Variants in ASAP1 observed in about 807,000 individuals in gnomAD.
The protein encoded by ASAP1 is ArfGAP with SH3 domain, ankyrin repeat and PH domain 1.
ASAP1 carries 43 observed loss-of-function variants against 145.2 expected under a neutral mutation model. The ratio of observed to expected loss-of-function variants is 0.30; its 90% confidence interval spans 0.23 to 0.38. The LOEUF (loss-of-function observed/expected upper bound fraction) is 0.38, where lower values mean the gene tolerates loss of function less well. Ranked by LOEUF, ASAP1 falls within the 10% of genes least tolerant of loss-of-function variation. ASAP1 has a pLI of 1.00. For missense variants in ASAP1, 1,018 were observed against 1,355.3 expected, an observed-to-expected ratio of 0.75 and a Z score of 3.91; for synonymous variants, 546 against 515.5, an observed-to-expected ratio of 1.06 and a Z score of -0.80.
chr8:130,111,896 C>T (rs1008884584), intron 24 of ASAP1, among the ~76,000 whole-genome samples, 198 bp downstream of exon 24: 1 of 152,176 alleles, frequency 6.6e-6, no homozygotes, highest in African/African-American at 2.4e-5. Context: ...ACAAAGAGAG[C>T]CCACAGCACT....
intron 9 of ASAP1, chr8:130,179,053 A>G (rs80117223): frequency 0.1 from 45,036 of 432,410 alleles, 3,086 homozygotes; most frequent in South Asian, 0.24. Context: ...TGTAAGGAAG[A>G]CAATATTTTT....
intron 2 of ASAP1, among the ~76,000 whole-genome samples, chr8:130,379,320 G>C (rs939991140): frequency 5.3e-5 from 8 of 152,158 alleles, no homozygotes; most frequent in Admixed American, 3.9e-4. Flanking sequence ...ACCAGTAATA[G>C]TAAGTATTTT....
At chr8:130,145,184 C>T (rs566944596) in intron 13 of ASAP1, among the ~76,000 whole-genome samples, 30 of 152,170 alleles carry the variant, frequency 2.0e-4, no homozygotes, top group Non-Finnish European at 3.7e-4. Flanking sequence ...TTTTTAAATT[C>T]ACATTTCCTA....
intron 23 of ASAP1, 67 bp downstream of exon 23, chr8:130,115,560 AT>A: frequency 8.3e-7 from 1 of 1,206,022 alleles, no homozygotes; most frequent in Non-Finnish European, 1.2e-6. Context: ...CCAAAAATGG[AT>A]CTTGTCTACA....
chr8:130,175,495 G>C (rs1458081133), intron 9 of ASAP1, among the ~76,000 whole-genome samples: 11 of 151,958 alleles, frequency 7.2e-5, no homozygotes, highest in Non-Finnish European at 1.6e-4. Flanking sequence ...TAAAGTGCTA[G>C]GATTATAGGT....
chr8:130,264,406 C>T (rs1411854508), intron 3 of ASAP1, among the ~76,000 whole-genome samples: 1 of 152,210 alleles, frequency 6.6e-6, no homozygotes, highest in Non-Finnish European at 1.5e-5. Context: ...TCAGCAAAGG[C>T]AGTCGTGCGT....
chr8:130,379,003 G>A (rs1218903637), intron 2 of ASAP1, among the ~76,000 whole-genome samples: 2 of 152,180 alleles, frequency 1.3e-5, no homozygotes, highest in African/African-American at 4.8e-5. Flanking sequence ...AGCCTCCTGA[G>A]TGGTAAGAGT....
intron 3 of ASAP1, among the ~76,000 whole-genome samples, chr8:130,275,681 A>G (rs1453531365): frequency 6.6e-6 from 1 of 152,202 alleles, no homozygotes; most frequent in Non-Finnish European, 1.5e-5. Flanking sequence ...GAGAAACGTA[A>G]GCATTTTGAT....
chr8:130,251,706 C>T (rs1013671037), intron 3 of ASAP1, among the ~76,000 whole-genome samples: 2 of 152,112 alleles, frequency 1.3e-5, no homozygotes, highest in African/African-American at 4.8e-5. Flanking sequence ...TATGTTGCTG[C>T]TATAAAGACC....
In ASAP1 at chr8:130,274,610, T is replaced by C. The variant is rs142507659; in HGVS notation, c.187-37616A>G. Among the ~76,000 whole-genome samples the C allele has an allele frequency of 2.6e-5, 4 of 152,348 alleles. No individual in the cohort carries two copies. The East Asian group carries it at 5.8e-4, about 22-fold the overall frequency. Reference sequence around the variant, plus strand: ...TCTCTTCTCACTATCGCATTCATTGTTGAGGATGTATCTTTGAGAATTAAT... The same window carrying C: ...TCTCTTCTCACTATCGCATTCATTGCTGAGGATGTATCTTTGAGAATTAAT... On this transcript the variant is annotated intron_variant, in intron 3 of 29. Coordinates refer to ENST00000518721, the MANE Select transcript of ASAP1 (RefSeq NM_018482.4).
intron 1 of ASAP1, among the ~76,000 whole-genome samples, chr8:130,414,412 A>T (rs1829391676): frequency 6.6e-6 from 1 of 152,238 alleles, no homozygotes; most frequent in Non-Finnish European, 1.5e-5. Flanking sequence ...AGAAGGAAAA[A>T]GCCAGGGTTT....
chr8:130,135,945 G>A (rs1392142480), intron 14 of ASAP1, among the ~76,000 whole-genome samples: 1 of 152,134 alleles, frequency 6.6e-6, no homozygotes, highest in African/African-American at 2.4e-5. Context: ...TCTATCTTTT[G>A]GGTCAGGACT....
intron 11 of ASAP1, among the ~76,000 whole-genome samples, chr8:130,165,098 T>A (rs914665345): frequency 1.3e-5 from 2 of 152,230 alleles, no homozygotes; most frequent in African/African-American, 4.8e-5. Flanking sequence ...CATTTATTAA[T>A]CTGGGGTGGG....
Position 130,127,931 on chromosome 8 carries a change from T to A in ASAP1, c.1377A>T (p.Ser459=), listed in dbSNP as rs373547373. 5.0e-6 allele frequency: 8 copies of A among 1,611,458 alleles called. No homozygotes were observed. The highest frequency in any genetic ancestry group is 1.3e-5 in the African/African-American group (1 of 74,672). ...PGNDICCDCG[S]SEPTWLSTNL... is the part of the protein sequence containing the mutation. ...TTCAAATATGGGGACAAAAACCTGA[T>A]GAGCCACAATCGCAGCAAATGTCAT... Residue 459 remains serine, a synonymous_variant, in exon 16 of 30, where the codon TCA becomes TCT. Coordinates refer to ENST00000518721, the MANE Select transcript of ASAP1 (RefSeq NM_018482.4).
rs141506288 is a variant in ASAP1, at chr8:130,270,019, A to C, written c.187-33025T>G. 1.1e-3 allele frequency among the ~76,000 whole-genome samples: 161 copies of C among 152,254 alleles called. 1 individual carries two copies. The highest frequency in any genetic ancestry group is 3.7e-3 in the African/African-American group (153 of 41,542). ...ACCTCATCTCTACTAAAAATAGAAA[A>C]ATTAGCCAGGCGTGGTGGCCCACAC... On this transcript the variant is annotated intron_variant, in intron 3 of 29. Transcript: ENST00000518721.
At position 130,092,147 on chromosome 8, in the gene ASAP1, G is replaced by C. The variant is rs1393279219; in HGVS notation, c.2402-4C>G. The C allele has an allele frequency of 1.3e-6, 2 of 1,564,832 alleles. No individual in the cohort carries two copies. Among genetic ancestry groups the C allele is most frequent in the South Asian group, 2.4e-5 (2 of 84,162 alleles). ...GTTGAAGGTGGGCCAGTTGGACCTAGAAAGGAAATTGAATGGGGGCAGGAA... is the reference window on the plus strand; with the variant it reads ...GTTGAAGGTGGGCCAGTTGGACCTACAAAGGAAATTGAATGGGGGCAGGAA... On this transcript the variant is annotated splice_polypyrimidine_tract_variant and splice_region_variant and intron_variant, in intron 24 of 29. Coordinates refer to ENST00000518721, the MANE Select transcript of ASAP1 (RefSeq NM_018482.4).
chr8:130,172,537 T>C (rs778237896), intron 9 of ASAP1, among the ~76,000 whole-genome samples: 2 of 152,194 alleles, frequency 1.3e-5, no homozygotes, highest in Non-Finnish European at 2.9e-5. Context: ...TCCAATATGG[T>C]AGCCACTAGT....
At chr8:130,414,033 T>G (rs1829373814) in intron 1 of ASAP1, among the ~76,000 whole-genome samples, 1 of 152,150 alleles carries the variant, frequency 6.6e-6, no homozygotes, top group African/African-American at 2.4e-5. Context: ...GAACAGAAGT[T>G]GCTATAAAGT....
At chr8:130,063,366 C>A (rs151078831) in intron 27 of ASAP1, among the ~76,000 whole-genome samples, 3 of 152,104 alleles carry the variant, frequency 2.0e-5, no homozygotes, top group African/African-American at 7.2e-5. Flanking sequence ...TTAGTAGAGA[C>A]GTGCAGGGCC....
Sources: allele counts gnomAD v4.1 joint callset (sites outside exome capture counted in the v4.1 genomes callset), GRCh38; gene constraint gnomAD v4.1.1; transcripts MANE v1.5; gene names NCBI Gene and HGNC (gene_info 2026-07-23, HGNC 2026-07-21).